The following FOXN3 variants were observed in gnomAD, a reference collection of about 807,000 sequenced individuals.
The protein encoded by FOXN3 is forkhead box N3, also known as forkhead box protein N3.
A neutral mutation model predicts 38.4 loss-of-function variants in FOXN3; 7 were observed. The ratio of observed to expected loss-of-function variants is 0.18; its 90% CI spans 0.10 to 0.34. The LOEUF (loss-of-function observed/expected upper bound fraction) is 0.34, where lower values mean the gene tolerates loss of function less well. FOXN3 is among the 10% of genes least tolerant of loss of function. The probability of loss-of-function intolerance (pLI) is 1.00; values close to 1 mark genes in which losing one functional copy is unlikely to be tolerated. For synonymous variants in FOXN3, 230 were observed against 242.2 expected (o/e 0.95, Z 0.47); for missense variants, 456 against 613.4 (o/e 0.74, Z 2.71).
At chr14:89,546,699 C>A (rs1444732458) in intron 1 of FOXN3, among the ~76,000 whole-genome samples, 1 of 152,028 alleles carries the variant, frequency 6.6e-6, no homozygotes, top group African/African-American at 2.4e-5. Flanking sequence ...ATAACCTTTG[C>A]CCTTTTCACA....
At chr14:89,299,559 A>G (rs1447105953) in intron 3 of FOXN3, among the ~76,000 whole-genome samples, 1 of 152,178 alleles carries the variant, frequency 6.6e-6, no homozygotes, top group African/African-American at 2.4e-5. Flanking sequence ...TCTCAGCCTC[A>G]CTGATCCCCA....
At chr14:89,351,533 C>T (rs959783595) in intron 2 of FOXN3, among the ~76,000 whole-genome samples, 1 of 152,152 alleles carries the variant, frequency 6.6e-6, no homozygotes, top group African/African-American at 2.4e-5. Context: ...GAGAGGGAGG[C>T]TTCCTGTGAG....
At chr14:89,284,687 T>C (rs1886564423) in intron 3 of FOXN3, among the ~76,000 whole-genome samples, 2 of 152,182 alleles carry the variant, frequency 1.3e-5, no homozygotes, top group South Asian at 4.1e-4. Context: ...AATAATATGC[T>C]AGCAAAAATC....
chr14:89,462,833 C>T (rs1165468216), intron 1 of FOXN3, among the ~76,000 whole-genome samples: 3 of 151,622 alleles, frequency 2.0e-5, no homozygotes, highest in South Asian at 2.1e-4. Context: ...TACAGGCGCC[C>T]GCCACCACGC....
intron 1 of FOXN3, among the ~76,000 whole-genome samples, chr14:89,447,465 C>T (rs762118485): frequency 6.6e-6 from 1 of 152,132 alleles, no homozygotes; most frequent in Non-Finnish European, 1.5e-5. Context: ...ACTCAAAGTT[C>T]ACTCTGATAT....
intron 1 of FOXN3, among the ~76,000 whole-genome samples, chr14:89,479,641 T>C (rs921765887): frequency 1.3e-5 from 2 of 152,206 alleles, no homozygotes; most frequent in African/African-American, 4.8e-5. Flanking sequence ...CAGAAATGAT[T>C]GTAACAACCA....
chr14:89,338,714 A>G (rs2139995726), intron 3 of FOXN3, among the ~76,000 whole-genome samples: 1 of 152,034 alleles, frequency 6.6e-6, no homozygotes, highest in East Asian at 1.9e-4. Flanking sequence ...AATCACTTGA[A>G]CCTGGGGGTG....
intron 4 of FOXN3, among the ~76,000 whole-genome samples, chr14:89,236,770 GT>G (rs1171282500): frequency 6.6e-6 from 1 of 152,208 alleles, no homozygotes; most frequent in East Asian, 1.9e-4. Flanking sequence ...AAAGCCTCTA[GT>G]TTTCTGGCCT....
rs1407116523 is a variant in FOXN3, at chr14:89,434,489, C to T, written c.-14-21999G>A. On this transcript the variant is annotated intron_variant, in intron 1 of 6. Coordinates refer to the FOXN3 transcript ENST00000345097. ...AGGTGATCCACCTGCCTCGGACTCTCAAAGTGCTGGGATTACAGATGTGAG... is the reference window on the plus strand; with the variant it reads ...AGGTGATCCACCTGCCTCGGACTCTTAAAGTGCTGGGATTACAGATGTGAG... 1.1e-4 allele frequency among the ~76,000 whole-genome samples: 17 copies of T among 152,078 alleles called. 1 individual carries two copies. The highest frequency in any genetic ancestry group is 2.9e-5 in the Non-Finnish European group (2 of 68,032).
chr14:89,384,823 G>A (rs8019407), intron 2 of FOXN3, among the ~76,000 whole-genome samples: 10,277 of 152,262 alleles, frequency 0.067, 696 homozygotes, highest in African/African-American at 0.18. Flanking sequence ...GCTAGGGGCA[G>A]AGAAGGATAA....
intron 2 of FOXN3, among the ~76,000 whole-genome samples, chr14:89,365,322 T>C (rs1352036934): frequency 6.6e-6 from 1 of 152,156 alleles, no homozygotes; most frequent in Non-Finnish European, 1.5e-5. Context: ...CACTATTGTT[T>C]CCCAAGTGCC....
At chr14:89,358,338 G>A (rs992458490) in intron 2 of FOXN3, among the ~76,000 whole-genome samples, 8 of 152,208 alleles carry the variant, frequency 5.3e-5, no homozygotes, top group South Asian at 2.1e-4. Context: ...CAGAGAAGGA[G>A]TTTTCAGGGT....
At position 89,439,033 on chromosome 14, in the gene FOXN3, C is replaced by T. The variant is rs565927594; in HGVS notation, c.-14-26543G>A. Among the ~76,000 whole-genome samples, 153 of 152,312 alleles carry T rather than the reference C, an allele frequency of 1.0e-3. 2 individuals are homozygous for T. Among genetic ancestry groups the T allele is most frequent in the East Asian group, 3.5e-3 (18 of 5,184 alleles). ...TCGGCCTCCCAAAGTGCTGGGATTA[C>T]AAGCGTGAGCCACCACGCCTGGCCT... On this transcript the variant is annotated intron_variant, in intron 1 of 6. Coordinates refer to the FOXN3 transcript ENST00000345097.
At position 89,158,162 on chromosome 14, in the gene FOXN3, A is replaced by G. The variant is rs917812199; in HGVS notation, c.*4252T>C. The G allele has an allele frequency of 2.2e-4, 34 of 152,248 alleles. No individual in the cohort carries two copies. The highest frequency in any genetic ancestry group is 8.0e-4 in the African/African-American group (33 of 41,452). 9.4% of individuals were successfully genotyped at this position (152,248 alleles called of 1,614,324 possible). A position where few individuals can be genotyped will look rare whatever the true frequency, so the allele number is the denominator to read the frequency against. ...AGGAGAGGCCCAAGGCGCCCCCCAC[A>G]GAGTGGAATGAGTGGAACTTGCGTC... On this transcript the variant is annotated 3_prime_UTR_variant, in exon 6 of 6. Coordinates refer to ENST00000557258, the MANE Select transcript of FOXN3 (RefSeq NM_005197.4).
chr14:89,412,062 C>A lies in FOXN3; in HGVS notation c.415G>T (p.Asp139Tyr), dbSNP rs1891558198. ...TGTTCCAAGATCCAGTTGTAGATAT[C>A]CTTCACTGGCAGGCGCTTGGTTGGA... ...DSPTKRLPVK[D>Y]IYNWILEHFP... Residue 139 changes from aspartate (D) to tyrosine (Y), a missense_variant, in exon 2 of 6, where the codon GAT becomes TAT. By Grantham distance (160) the Asp-to-Tyr change is radical (BLOSUM62 -3). Around this residue, in one of 3 missense-constraint regions of FOXN3, gnomAD observed 386 missense variants for 505.2 expected, o/e 0.76. Coordinates refer to ENST00000557258, the MANE Select transcript of FOXN3 (RefSeq NM_005197.4). This position sits in a 1 kb window ranked among gnomAD's most constrained non-coding sequence, Gnocchi z 4.7. The A allele has an allele frequency of 1.2e-6, 2 of 1,613,602 alleles. No individual in the cohort carries two copies. The highest frequency in any genetic ancestry group is 1.7e-6 in the Non-Finnish European group (2 of 1,179,828).
chr14:89,607,673 C>A (rs1229995097), intron 1 of FOXN3, among the ~76,000 whole-genome samples: 1 of 151,898 alleles, frequency 6.6e-6, no homozygotes, highest in Non-Finnish European at 1.5e-5. Context: ...ACCAGGCTAA[C>A]ATATTTAGCA....
At chr14:89,248,477 A>G (rs1885360231) in intron 4 of FOXN3, among the ~76,000 whole-genome samples, 1 of 152,256 alleles carries the variant, frequency 6.6e-6, no homozygotes, top group Non-Finnish European at 1.5e-5. Context: ...GCTTTAGTCA[A>G]ATTCAGCTTT....
Position 89,313,130 on chromosome 14 carries a change from G to A in FOXN3, c.681-32116C>T, listed in dbSNP as rs748576690. 4.5e-4 allele frequency among the ~76,000 whole-genome samples: 69 copies of A among 152,200 alleles called. 1 individual carries two copies. Among genetic ancestry groups the A allele is most frequent in the Admixed American group, 4.6e-4 (7 of 15,278 alleles). ...AGGATTTTTATTACCAGGCAAGGGTGCAAAGGTCTAAGTCTCTGCATGTTT... is the reference window on the plus strand; with the variant it reads ...AGGATTTTTATTACCAGGCAAGGGTACAAAGGTCTAAGTCTCTGCATGTTT... On this transcript the variant is annotated intron_variant, in intron 3 of 5. Transcript: ENST00000557258.
chr14:89,577,813 T>G (rs980317365), intron 1 of FOXN3, among the ~76,000 whole-genome samples: 1 of 152,068 alleles, frequency 6.6e-6, no homozygotes, highest in African/African-American at 2.4e-5. Flanking sequence ...CCAAAATAAC[T>G]CCTTCATAAT....
Sources: allele counts gnomAD v4.1 joint callset (sites outside exome capture counted in the v4.1 genomes callset), GRCh38; gene constraint gnomAD v4.1.1; regional missense constraint gnomAD v4.1.1; non-coding constraint Gnocchi (gnomAD v3.1); transcripts MANE v1.5; gene names NCBI Gene and HGNC (gene_info 2026-07-23, HGNC 2026-07-21).